The following KDM4C variants were observed in gnomAD, a reference collection of about 807,000 sequenced individuals.
The protein encoded by KDM4C is lysine-specific demethylase 4C.
A neutral mutation model predicts 129.3 loss-of-function variants in KDM4C; 81 were observed. The ratio of observed to expected loss-of-function variants is 0.63; its 90% CI spans 0.52 to 0.75. KDM4C has a LOEUF of 0.75. Among genes scored for constraint, KDM4C ranks in the 30% least tolerant of loss-of-function variants. The pLI, the probability that KDM4C is intolerant of heterozygous loss-of-function variation, is 0.00. For missense variants in KDM4C, 1,457 were observed against 1,304.0 expected, an observed-to-expected ratio of 1.12 and a Z score of -1.81; for synonymous variants, 573 against 456.1, an observed-to-expected ratio of 1.26 and a Z score of -3.26.
chr9:6,965,682 G>A (rs987231132), intron 8 of KDM4C, among the ~76,000 whole-genome samples: 4 of 152,230 alleles, frequency 2.6e-5, no homozygotes, highest in African/African-American at 9.6e-5. Context: ...TGATGTTCCA[G>A]TTCATGCAGT....
At chr9:6,760,594 G>A (rs1043498122) in intron 1 of KDM4C, among the ~76,000 whole-genome samples, 4 of 148,530 alleles carry the variant, frequency 2.7e-5, no homozygotes, top group Admixed American at 1.3e-4. Flanking sequence ...TTTTTGAGAC[G>A]AAGTCTCACT....
chr9:6,768,254 G>A (rs1233474101), intron 1 of KDM4C, among the ~76,000 whole-genome samples: 1 of 151,944 alleles, frequency 6.6e-6, no homozygotes, highest in African/African-American at 2.4e-5. Flanking sequence ...AGAAAATCTC[G>A]GTCCCTGGGA....
chr9:6,864,306 C>T (rs1051317488), intron 5 of KDM4C, among the ~76,000 whole-genome samples: 2 of 152,168 alleles, frequency 1.3e-5, no homozygotes, highest in Non-Finnish European at 2.9e-5. Flanking sequence ...CATTTTTCAG[C>T]ACTTTGAAAA....
chr9:6,762,869 G>A (rs1398946638), intron 1 of KDM4C, among the ~76,000 whole-genome samples: 1 of 151,912 alleles, frequency 6.6e-6, no homozygotes, highest in East Asian at 1.9e-4. Context: ...ATGTTGGCCA[G>A]GCTGGGCTCG....
At position 6,758,733 on chromosome 9, in the gene KDM4C, T is replaced by C. The variant is rs567237168; in HGVS notation, c.-18+530T>C. On this transcript the variant is annotated intron_variant, in intron 1 of 21. Coordinates refer to ENST00000381309, the MANE Select transcript of KDM4C (RefSeq NM_015061.6). The surrounding 1 kb of genome is among the most constrained non-coding windows in gnomAD (Gnocchi z 4.6). ...TCGCGGCTGTCCTTTTGGTGTTTCT[T>C]TCCCCCGGCATGGGGCCATTTCTTC... is the stretch of plus-strand genomic sequence containing the variant. 6.6e-6 allele frequency among the ~76,000 whole-genome samples: 1 copy of C among 152,212 alleles called. No homozygotes were observed.
intron 20 of KDM4C, among the ~76,000 whole-genome samples, chr9:7,165,675 C>T (rs377492948): frequency 5.3e-5 from 8 of 152,156 alleles, no homozygotes; most frequent in African/African-American, 1.7e-4. Context: ...ACTAGTTGGC[C>T]GATTCATCTA....
intron 13 of KDM4C, among the ~76,000 whole-genome samples, chr9:7,012,444 C>G (rs6477136): frequency 0.33 from 50,425 of 151,924 alleles, 9,840 homozygotes; most frequent in Non-Finnish European, 0.44. Context: ...ATAGTAGAAG[C>G]TTTCAAAGAG....
rs540851959 is a variant in KDM4C, at chr9:6,799,301, G to A, written c.144+6169G>A. ...TTGAGCACTGAGTTAAGGAGACTCT[G>A]TCTGCAATCCCGGCATCTTGGGAGG... On this transcript the variant is annotated intron_variant, in intron 2 of 21. Transcript: ENST00000381309. 6.0e-4 allele frequency among the ~76,000 whole-genome samples: 91 copies of A among 152,370 alleles called. No individual in the cohort carries two copies. In the South Asian group the frequency reaches 7.7e-3, roughly 13 times the overall value.
chr9:6,763,350 A>G (rs186335965), intron 1 of KDM4C, among the ~76,000 whole-genome samples: 33 of 152,036 alleles, frequency 2.2e-4, no homozygotes, highest in Middle Eastern at 3.4e-3. Context: ...GATTGATTCC[A>G]TCTCATTCTT....
At chr9:6,934,064 G>A (rs1824254778) in intron 8 of KDM4C, among the ~76,000 whole-genome samples, 1 of 151,928 alleles carries the variant, frequency 6.6e-6, no homozygotes, top group Non-Finnish European at 1.5e-5. Context: ...TGGCCAGGCT[G>A]GTCTTCTTGA....
At chr9:6,838,337 A>G (rs1323966461) in intron 4 of KDM4C, among the ~76,000 whole-genome samples, 2 of 152,140 alleles carry the variant, frequency 1.3e-5, no homozygotes, top group Non-Finnish European at 2.9e-5. Flanking sequence ...CCCGGTATGC[A>G]CAGTGATCTT....
In KDM4C at chr9:6,840,143, G is replaced by A. The variant is rs181761594; in HGVS notation, c.436-9364G>A. ...GCTGGAGTGCAGTGCCACAATCATG[G>A]CTCACTGCAGCCTTGACCTCCCAGG... On this transcript the variant is annotated intron_variant, in intron 4 of 21. Transcript: ENST00000381309. Among the ~76,000 whole-genome samples, 42 of 148,258 alleles carry A rather than the reference G, an allele frequency of 2.8e-4. No individual in the cohort carries two copies. The East Asian group carries it at 5.5e-3, about 19-fold the overall frequency.
chr9:6,848,575 A>G (rs1245429492), intron 4 of KDM4C, among the ~76,000 whole-genome samples: 1 of 152,160 alleles, frequency 6.6e-6, no homozygotes, highest in African/African-American at 2.4e-5. Flanking sequence ...AGGCTGAGGC[A>G]TAAGAATTGC....
At chr9:6,954,161 A>G (rs1190548305) in intron 8 of KDM4C, among the ~76,000 whole-genome samples, 1 of 152,146 alleles carries the variant, frequency 6.6e-6, no homozygotes, top group African/African-American at 2.4e-5. Context: ...CCCTTCGTAC[A>G]CAGATACATA....
intron 12 of KDM4C, among the ~76,000 whole-genome samples, chr9:7,003,697 A>G (rs765187145): frequency 2.1e-4 from 32 of 152,184 alleles, no homozygotes; most frequent in Non-Finnish European, 4.1e-4. Flanking sequence ...TTTTTCCTCA[A>G]TGTCATCACT....
intron 12 of KDM4C, among the ~76,000 whole-genome samples, chr9:6,997,085 T>G (rs1185107540): frequency 6.6e-6 from 1 of 152,228 alleles, no homozygotes; most frequent in African/African-American, 2.4e-5. Context: ...GTGCCTGCGT[T>G]TACAAAGTAG....
chr9:6,748,499 C>G (rs1306966794), intron 1 of KDM4C, among the ~76,000 whole-genome samples: 1 of 147,618 alleles, frequency 6.8e-6, no homozygotes, highest in Non-Finnish European at 1.5e-5. Flanking sequence ...AAGAGTGAAA[C>G]TCCGTCTCAG....
chr9:7,094,092 A>G (rs529129839), intron 17 of KDM4C, among the ~76,000 whole-genome samples: 2 of 152,240 alleles, frequency 1.3e-5, no homozygotes, highest in South Asian at 2.1e-4. Flanking sequence ...ATCTTTACCT[A>G]TCCAGTGAAG....
At chr9:6,759,994 AAAG>A (rs1402310664) in intron 1 of KDM4C, among the ~76,000 whole-genome samples, 1 of 149,906 alleles carries the variant, frequency 6.7e-6, no homozygotes, top group Admixed American at 6.7e-5. Context: ...TAAATAAATA[AAAG>A]CTTTTAGTAA....
Sources: allele counts gnomAD v4.1 joint callset (sites outside exome capture counted in the v4.1 genomes callset), GRCh38; gene constraint gnomAD v4.1.1; non-coding constraint Gnocchi (gnomAD v3.1); transcripts MANE v1.5; gene names NCBI Gene and HGNC (gene_info 2026-07-23, HGNC 2026-07-21).